Variants in FBXO32 observed in about 807,000 individuals in gnomAD.
The protein encoded by FBXO32 is F-box protein 32.
Under a neutral mutation model 48.3 loss-of-function variants are expected in FBXO32, and 15 were observed. The observed-to-expected ratio is 0.31, with a 90% CI of 0.21 to 0.48. The LOEUF (loss-of-function observed/expected upper bound fraction) is 0.48. FBXO32 is among the 20% of genes least tolerant of loss of function. FBXO32 has a pLI of 0.99. For synonymous variants in FBXO32, 154 were observed against 165.9 expected, an observed-to-expected ratio of 0.93 and a Z score of 0.55; for missense variants, 309 against 432.7, an observed-to-expected ratio of 0.71 and a Z score of 2.54.
Position 123,540,847 on chromosome 8 carries a change from C to CCAGGCCGGGT in FBXO32, c.116+51_116+52insACCCGGCCTG, listed in dbSNP as rs1456747088. ...ATTCGCCGTCCCTGCGCCCCCCAGA[C>CCAGGCCGGGT]CAGCCCGGGTCAGTTTCGCGGGGGC... is the stretch of plus-strand genomic sequence containing the variant. On this transcript the variant is annotated intron_variant, in intron 1 of 8. Transcript: ENST00000517956. The surrounding 1 kb of genome is among the most constrained non-coding windows in gnomAD (Gnocchi z 6.4). The CCAGGCCGGGT allele has an allele frequency of 3.1e-5, 47 of 1,497,622 alleles. No homozygotes were observed. The South Asian group carries it at 3.7e-4, about 12-fold the overall frequency. 92.8% of individuals were successfully genotyped at this position (1,497,622 alleles called of 1,614,324 possible).
In FBXO32 at chr8:123,503,355, GT is replaced by G; in HGVS notation, c.*17del. ...GTCAGCAGGGGGACCCTTCTGAAGT[GT>G]TGTCATGTGCTGGGATTCAGAACTT... On this transcript the variant is annotated 3_prime_UTR_variant, in exon 9 of 9. Transcript: ENST00000517956. 2 of 1,608,236 alleles carry G rather than the reference GT, an allele frequency of 1.2e-6. No homozygotes were observed. Among genetic ancestry groups the G allele is most frequent in the Non-Finnish European group, 1.7e-6 (2 of 1,174,614 alleles).
rs765771666 is a variant in FBXO32, at chr8:123,541,055, G to A, written c.-41C>T. 5.0e-6 allele frequency: 7 copies of A among 1,403,728 alleles called. No individual in the cohort carries two copies. Among genetic ancestry groups the A allele is most frequent in the African/African-American group, 3.0e-5 (2 of 67,788 alleles). 87.0% of individuals were successfully genotyped at this position (1,403,728 alleles called of 1,614,324 possible). A position where few individuals can be genotyped will look rare whatever the true frequency, so the allele number is the denominator to read the frequency against. On this transcript the variant is annotated 5_prime_UTR_variant, in exon 1 of 9. Coordinates refer to ENST00000517956, the MANE Select transcript of FBXO32 (RefSeq NM_058229.4). ...CTAGACGGATGGGGAGACGGGGCCG[G>A]CCTGGTGGGCTCGGGGACGTGCCAC...
Position 123,531,879 on chromosome 8 carries a change from T to G in FBXO32, c.372+19A>C, listed in dbSNP as rs148639338. ...CTTGGGAAAGAGCCTGGATGAGCCT[T>G]TAGGCACTTGAGACTTACCCGGACC... On this transcript the variant is annotated intron_variant, in intron 4 of 8. Coordinates refer to ENST00000517956, the MANE Select transcript of FBXO32 (RefSeq NM_058229.4). 4 of 1,613,346 alleles carry G rather than the reference T, an allele frequency of 2.5e-6. No homozygotes were observed. Among genetic ancestry groups the G allele is most frequent in the Admixed American group, 3.3e-5 (2 of 59,864 alleles).
chr8:123,509,248 T>C (rs1816690198), intron 6 of FBXO32, among the ~76,000 whole-genome samples: 1 of 152,202 alleles, frequency 6.6e-6, no homozygotes, highest in African/African-American at 2.4e-5. Flanking sequence ...ATAGAAAGCA[T>C]TTACTCTGAA....
In FBXO32 at chr8:123,503,242, A is replaced by G; in HGVS notation, c.*131T>C. Reference sequence around the variant, plus strand: ...ATTTCTCCCCTCCAATGTCCTCTCCATGACTTATCTCTGAAGTTTCGAGCC... The same window carrying G: ...ATTTCTCCCCTCCAATGTCCTCTCCGTGACTTATCTCTGAAGTTTCGAGCC... On this transcript the variant is annotated 3_prime_UTR_variant, in exon 9 of 9. Transcript: ENST00000517956. 1 of 689,394 alleles carries G rather than the reference A, an allele frequency of 1.5e-6. No individual in the cohort carries two copies. 42.7% of individuals were successfully genotyped at this position (689,394 alleles called of 1,614,324 possible).
chr8:123,533,613 G>A (rs1817251876), intron 2 of FBXO32, among the ~76,000 whole-genome samples: 1 of 152,170 alleles, frequency 6.6e-6, no homozygotes, highest in Non-Finnish European at 1.5e-5. Flanking sequence ...TTCGAGACCA[G>A]CCTGGCCAAC....
chr8:123,516,367 T>C (rs980322634), intron 4 of FBXO32, among the ~76,000 whole-genome samples: 22 of 152,288 alleles, frequency 1.4e-4, no homozygotes, highest in African/African-American at 5.1e-4. Context: ...TCCTTTACAC[T>C]GAAGCTAGAA....
intron 4 of FBXO32, among the ~76,000 whole-genome samples, chr8:123,520,922 T>G (rs751823559): frequency 2.6e-5 from 4 of 152,212 alleles, no homozygotes; most frequent in Non-Finnish European, 5.9e-5. Context: ...GTCTCTCGAA[T>G]AGGCCAAGCT....
intron 4 of FBXO32, among the ~76,000 whole-genome samples, chr8:123,515,958 C>G (rs1271368016): frequency 6.6e-6 from 1 of 152,158 alleles, no homozygotes; most frequent in Non-Finnish European, 1.5e-5. Context: ...TGCCATTGAA[C>G]TCTCGCCTGG....
chr8:123,522,169 G>C (rs1303311582), intron 4 of FBXO32, among the ~76,000 whole-genome samples: 1 of 151,084 alleles, frequency 6.6e-6, no homozygotes, highest in Non-Finnish European at 1.5e-5. Context: ...TCAGCAGAGA[G>C]AGACTTGCCT....
At position 123,531,989 on chromosome 8, in the gene FBXO32, C is replaced by T. The variant is rs747151549; in HGVS notation, c.281G>A (p.Arg94His). 10 of 1,613,888 alleles carry T rather than the reference C, an allele frequency of 6.2e-6. No homozygotes were observed. The highest frequency in any genetic ancestry group is 6.8e-6 in the Non-Finnish European group (8 of 1,179,990). The change falls in exon 4 of 9, where the codon CGC becomes CAC. Residue 94 changes from arginine (R) to histidine (H), a missense_variant and splice_region_variant. Transcript: ENST00000517956. ...IYVHKGSTKE[R>H]HGYCTLGEAF... The stretch of plus-strand genomic sequence containing the variant: ...TTCCCCCAGGGTGCAATATCCATGG[C>T]GCTGAACATGAAAACAAAGGCACAG...
At chr8:123,523,298 A>G (rs1472372027) in intron 4 of FBXO32, among the ~76,000 whole-genome samples, 1 of 152,210 alleles carries the variant, frequency 6.6e-6, no homozygotes, top group Non-Finnish European at 1.5e-5. Context: ...TAGAATTTTA[A>G]TAGAAAACAT....
intron 6 of FBXO32, among the ~76,000 whole-genome samples, chr8:123,512,488 C>G (rs1816754689): frequency 6.6e-6 from 1 of 151,328 alleles, no homozygotes. Flanking sequence ...GTGTGTCTGT[C>G]CTTTAGTGAG....
rs893280189 is a variant in FBXO32 at position 123,500,227 on chromosome 8, G to T, written c.*3146C>A. 1 of 152,076 alleles carries T rather than the reference G, an allele frequency of 6.6e-6. No homozygotes were observed. Among genetic ancestry groups the T allele is most frequent in the Admixed American group, 6.6e-5 (1 of 15,264 alleles). 9.4% of individuals were successfully genotyped at this position (152,076 alleles called of 1,614,324 possible). A position where few individuals can be genotyped will look rare whatever the true frequency, so the allele number is the denominator to read the frequency against. Reference sequence around the variant, plus strand: ...CCCAAATGCAAGGGTTTACTCTCAAGAGACTCTAGGCTCACTGCCCATAAA... The same window carrying T: ...CCCAAATGCAAGGGTTTACTCTCAATAGACTCTAGGCTCACTGCCCATAAA... On this transcript the variant is annotated 3_prime_UTR_variant, in exon 9 of 9. Coordinates refer to ENST00000517956, the MANE Select transcript of FBXO32 (RefSeq NM_058229.4).
At chr8:123,518,715 A>G (rs767629661) in intron 4 of FBXO32, among the ~76,000 whole-genome samples, 17 of 152,198 alleles carry the variant, frequency 1.1e-4, no homozygotes. Context: ...TCTCCATTTA[A>G]CCATTGAGGA....
Position 123,519,285 on chromosome 8 carries a change from G to A in FBXO32, c.373-4952C>T, listed in dbSNP as rs544940260. ...TATATAATATTGGGCTGGGCGTGGC[G>A]GCTCACGCCTGTAATCCCAGCACTT... On this transcript the variant is annotated intron_variant, in intron 4 of 8. Transcript: ENST00000517956. 9.9e-5 allele frequency among the ~76,000 whole-genome samples: 15 copies of A among 152,210 alleles called. No individual in the cohort carries two copies. In the South Asian group the frequency reaches 1.2e-3, roughly 13 times the overall value.
Position 123,506,309 on chromosome 8 carries a change from C to A in FBXO32, c.834+83G>T, listed in dbSNP as rs1187723757. ...CCTGGAATAGGGGGAACCCAGACCT[C>A]AGGCTTGAGCAGGGCACCAAGGAAG... is the stretch of plus-strand genomic sequence containing the variant. On this transcript the variant is annotated intron_variant, in intron 7 of 8. Transcript: ENST00000517956. This position sits in a 1 kb window ranked among gnomAD's most constrained non-coding sequence, Gnocchi z 4.0. The A allele has an allele frequency of 6.8e-6, 10 of 1,468,052 alleles. No individual in the cohort carries two copies. Among genetic ancestry groups the A allele is most frequent in the African/African-American group, 1.4e-5 (1 of 71,914 alleles). The allele number at this position is 1,468,052 out of a possible 1,614,324, so 90.9% of individuals were successfully genotyped here. A position where few individuals can be genotyped will look rare whatever the true frequency, so the allele number is the denominator to read the frequency against.
rs35117009 is a variant in FBXO32, at chr8:123,513,297, G to A, written c.552C>T (p.Val184=). Residue 184 remains valine (V), a synonymous_variant, in exon 6 of 9, where the codon GTC becomes GTT. Transcript: ENST00000517956. This position sits in a 1 kb window ranked among gnomAD's most constrained non-coding sequence, Gnocchi z 4.3. The part of the protein sequence containing the change: ...YTSLCTLVQR[V]GKSVLVGNIN... ...TGTTCCCGACCAGCACAGACTTGCC[G>A]ACTCTTTGGACCAGTGTACATAAGG... 25,752 of 1,614,132 alleles carry A rather than the reference G, an allele frequency of 0.016. 281 individuals carry two copies. The highest frequency in any genetic ancestry group is 0.018 in the Non-Finnish European group (21,337 of 1,179,986).
intron 4 of FBXO32, among the ~76,000 whole-genome samples, chr8:123,528,939 G>A (rs1478394181): frequency 2.0e-5 from 3 of 152,126 alleles, no homozygotes; most frequent in African/African-American, 4.8e-5. Context: ...AAAGTAGTAC[G>A]ATGGGGATAA....
Sources: gnomAD v4.1 joint callset for allele counts (sites outside exome capture counted in the v4.1 genomes callset) on GRCh38, gnomAD v4.1.1 for gene constraint, Gnocchi (gnomAD v3.1) non-coding constraint, MANE v1.5 for transcripts, NCBI Gene and HGNC (gene_info 2026-07-23, HGNC 2026-07-21) for gene names.